Variants in CFAP54 observed in about 807,000 individuals in gnomAD.
CFAP54 encodes the protein cilia and flagella associated protein 54, also known as cilia- and flagella-associated protein 54.
CFAP54 carries 290 observed loss-of-function variants against 370.4 expected under a neutral mutation model. That is an observed-to-expected ratio of 0.78 (90% confidence interval 0.71 to 0.86). CFAP54 has a LOEUF of 0.86. Among genes scored for constraint, CFAP54 ranks in the 40% least tolerant of loss-of-function variants. The probability of loss-of-function intolerance (pLI) is 0.00; values close to 1 mark genes in which losing one functional copy is unlikely to be tolerated. For synonymous variants in CFAP54, 1,206 were observed against 1,236.5 expected (o/e 0.98, Z 0.52); for missense variants, 3,399 against 3,528.7 (o/e 0.96, Z 0.93).
At chr12:96,684,321 C>A (rs10431437) in intron 40 of CFAP54, among the ~76,000 whole-genome samples, 1 of 152,014 alleles carries the variant, frequency 6.6e-6, no homozygotes, top group South Asian at 2.1e-4. Flanking sequence ...CAGTCATGCC[C>A]ATCATTCCTA....
intron 65 of CFAP54, among the ~76,000 whole-genome samples, chr12:96,822,220 C>T (rs1959042521): frequency 6.6e-6 from 1 of 152,096 alleles, no homozygotes; most frequent in South Asian, 2.1e-4. Flanking sequence ...GTGTTCAGAG[C>T]CTGTCAGGTG....
intron 26 of CFAP54, among the ~76,000 whole-genome samples, chr12:96,614,673 A>G (rs1482044767): frequency 2.6e-5 from 4 of 152,252 alleles, no homozygotes; most frequent in Non-Finnish European, 5.9e-5. Context: ...AAGTCTCAGG[A>G]TACAAAATCA....
intron 17 of CFAP54, among the ~76,000 whole-genome samples, chr12:96,560,160 G>A (rs1955800411): frequency 6.6e-6 from 1 of 152,098 alleles, no homozygotes; most frequent in Non-Finnish European, 1.5e-5. Context: ...ATTTTGAAAT[G>A]TATAATAAAT....
intron 66 of CFAP54, among the ~76,000 whole-genome samples, chr12:96,840,868 C>A (rs981479559): frequency 1.2e-4 from 18 of 152,172 alleles, no homozygotes; most frequent in Admixed American, 1.2e-3. Flanking sequence ...TTACTGTTCA[C>A]TTCTAACTGT....
chr12:96,529,742 T>C (rs1225497224), intron 9 of CFAP54, among the ~76,000 whole-genome samples: 5 of 152,206 alleles, frequency 3.3e-5, no homozygotes, highest in Non-Finnish European at 7.3e-5. Flanking sequence ...CTTTATTGAA[T>C]ACATGTATTG....
At chr12:96,661,897 A>G (rs909226628) in intron 38 of CFAP54, among the ~76,000 whole-genome samples, 1 of 152,168 alleles carries the variant, frequency 6.6e-6, no homozygotes, top group African/African-American at 2.4e-5. Flanking sequence ...CACATCTCAA[A>G]CAAGCCTGTT....
intron 64 of CFAP54, among the ~76,000 whole-genome samples, chr12:96,813,346 T>C (rs994715571): frequency 2.0e-5 from 3 of 152,158 alleles, no homozygotes; most frequent in African/African-American, 4.8e-5. Context: ...CTGGGTGGCA[T>C]TCCTTGTGTT....
chr12:96,570,127 T>C (rs1955900284), intron 19 of CFAP54, among the ~76,000 whole-genome samples: 1 of 151,890 alleles, frequency 6.6e-6, no homozygotes. Context: ...AGGCCCATGC[T>C]ACCATGCCTG....
At chr12:96,722,919 G>A (rs142505082) in intron 50 of CFAP54, among the ~76,000 whole-genome samples, 2,436 of 152,152 alleles carry the variant, frequency 0.016, 20 homozygotes, top group Middle Eastern at 0.065. Flanking sequence ...TAGGGGTGCA[G>A]CTTATTTAGG....
At chr12:96,671,825 G>A (rs766978928) in intron 39 of CFAP54, among the ~76,000 whole-genome samples, 3 of 152,162 alleles carry the variant, frequency 2.0e-5, no homozygotes, top group Non-Finnish European at 4.4e-5. Flanking sequence ...GGGAGGCTGA[G>A]GAAGGAGAAT....
At chr12:96,600,190 G>A (rs1193083755) in intron 26 of CFAP54, among the ~76,000 whole-genome samples, 3 of 152,172 alleles carry the variant, frequency 2.0e-5, no homozygotes, top group Non-Finnish European at 4.4e-5. Flanking sequence ...GTGTAAGGAA[G>A]GAATCCAGTT....
rs182643527 is a variant in CFAP54, at chr12:96,639,282, C to T, written c.4317-4896C>T. Among the ~76,000 whole-genome samples the T allele has an allele frequency of 3.4e-3, 513 of 152,290 alleles. 15 individuals carry two copies. Among genetic ancestry groups the T allele is most frequent in the Admixed American group, 0.031 (475 of 15,290 alleles). ...ATCCCACAGAAATACAAACTACCATCGGAGAATACTATAAACACCTCTATG... is the reference window on the plus strand; with the variant it reads ...ATCCCACAGAAATACAAACTACCATTGGAGAATACTATAAACACCTCTATG... On this transcript the variant is annotated intron_variant, in intron 32 of 67. Coordinates refer to ENST00000524981, the MANE Select transcript of CFAP54 (RefSeq NM_001306084.2).
chr12:96,547,189 A>G (rs1228077607), intron 14 of CFAP54, among the ~76,000 whole-genome samples: 2 of 151,808 alleles, frequency 1.3e-5, no homozygotes, highest in South Asian at 2.1e-4. Context: ...TTTTATATTT[A>G]TTTATTTATT....
chr12:96,527,198 A>G (rs1955392276), intron 8 of CFAP54, 48 bp from the exon 9 acceptor site: 2 of 1,454,612 alleles, frequency 1.4e-6, no homozygotes, highest in South Asian at 1.4e-5. Context: ...CGCCCACAAT[A>G]TAATAGCTTT....
At chr12:96,631,883 G>T (rs1399420696) in intron 32 of CFAP54, among the ~76,000 whole-genome samples, 1 of 151,468 alleles carries the variant, frequency 6.6e-6, no homozygotes, top group African/African-American at 2.4e-5. Context: ...TTTCTGTAGG[G>T]TAAATACACA....
At chr12:96,834,068 A>G (rs966418566) in intron 66 of CFAP54, among the ~76,000 whole-genome samples, 1 of 152,162 alleles carries the variant, frequency 6.6e-6, no homozygotes, top group Non-Finnish European at 1.5e-5. Context: ...GACTACACTC[A>G]GTAGGTGTTT....
At chr12:96,655,530 A>G (rs1956912037) in intron 36 of CFAP54, among the ~76,000 whole-genome samples, 1 of 152,182 alleles carries the variant, frequency 6.6e-6, no homozygotes, top group Non-Finnish European at 1.5e-5. Flanking sequence ...CAGAAATCTA[A>G]CTGGAATCAG....
At chr12:96,634,401 G>T (rs1023521916) in intron 32 of CFAP54, among the ~76,000 whole-genome samples, 1 of 151,962 alleles carries the variant, frequency 6.6e-6, no homozygotes, top group African/African-American at 2.4e-5. Context: ...CCTCTTTAGT[G>T]AAATATCTGT....
chr12:96,583,019 A>G (rs924881484), intron 22 of CFAP54, among the ~76,000 whole-genome samples: 2 of 152,148 alleles, frequency 1.3e-5, no homozygotes, highest in Admixed American at 6.5e-5. Context: ...AAAACATATT[A>G]TTATAAATAT....
Sources: allele counts gnomAD v4.1 joint callset (sites outside exome capture counted in the v4.1 genomes callset), GRCh38; gene constraint gnomAD v4.1.1; transcripts MANE v1.5; gene names NCBI Gene and HGNC (gene_info 2026-07-23, HGNC 2026-07-21).